The following RXFP2 variants were observed in gnomAD, a reference collection of about 807,000 sequenced individuals.
RXFP2 encodes the protein relaxin family peptide receptor 2, also known as relaxin receptor 2.
RXFP2 carries 68 observed loss-of-function variants against 88.6 expected under a neutral mutation model. The observed-to-expected ratio is 0.77, with a 90% confidence interval of 0.63 to 0.94. RXFP2 has a LOEUF of 0.94. Among genes scored for constraint, RXFP2 ranks in the 40% least tolerant of loss-of-function variants. RXFP2 has a pLI of 0.00. For synonymous variants in RXFP2, 329 were observed against 306.8 expected, an observed-to-expected ratio of 1.07 and a Z score of -0.76; for missense variants, 791 against 893.9, an observed-to-expected ratio of 0.88 and a Z score of 1.47.
intron 5 of RXFP2, among the ~76,000 whole-genome samples, chr13:31,773,847 G>T (rs1359462641): frequency 1.3e-5 from 2 of 152,220 alleles, no homozygotes; most frequent in East Asian, 3.9e-4. Context: ...TAAGAGAAAT[G>T]GAAGCCATTC....
intron 3 of RXFP2, among the ~76,000 whole-genome samples, chr13:31,763,826 A>T (rs1426158763): frequency 6.6e-6 from 1 of 152,168 alleles, no homozygotes; most frequent in Non-Finnish European, 1.5e-5. Context: ...CACTATTTCA[A>T]TGGTGGTTAT....
At chr13:31,752,701 G>A (rs756779363) in intron 1 of RXFP2, among the ~76,000 whole-genome samples, 4 of 151,978 alleles carry the variant, frequency 2.6e-5, no homozygotes, top group Non-Finnish European at 4.4e-5. Flanking sequence ...TTGACTCTTC[G>A]CAGAAGTAGG....
chr13:31,761,638 T>C lies in RXFP2; in HGVS notation c.242-86T>C, dbSNP rs1593452945. On this transcript the variant is annotated intron_variant, in intron 2 of 17. Coordinates refer to ENST00000298386, the MANE Select transcript of RXFP2 (RefSeq NM_130806.5). ...ATTCTATTACTTAAACATATTTTAG[T>C]TTAAAATCATTACCAAATTGTTAAA... is the stretch of plus-strand genomic sequence containing the variant. The C allele has an allele frequency of 3.0e-5, 26 of 879,766 alleles. No homozygotes were observed. The East Asian group carries it at 6.6e-4, about 22-fold the overall frequency. 54.5% of individuals were successfully genotyped at this position (879,766 alleles called of 1,614,324 possible). A position where few individuals can be genotyped will look rare whatever the true frequency, so the allele number is the denominator to read the frequency against.
At chr13:31,784,673 G>T (rs1873444119) in intron 11 of RXFP2, among the ~76,000 whole-genome samples, 1 of 152,042 alleles carries the variant, frequency 6.6e-6, no homozygotes, top group Non-Finnish European at 1.5e-5. Context: ...TTCAGACTTT[G>T]GTGTCATGAC....
chr13:31,793,684 A>G (rs1255387306), intron 16 of RXFP2, among the ~76,000 whole-genome samples: 2 of 152,174 alleles, frequency 1.3e-5, no homozygotes, highest in Non-Finnish European at 2.9e-5. Context: ...CTTTAAAGTT[A>G]AAAACACTTT....
At chr13:31,773,105 G>A (rs552472267) in intron 5 of RXFP2, among the ~76,000 whole-genome samples, 4 of 152,292 alleles carry the variant, frequency 2.6e-5, no homozygotes, top group African/African-American at 9.6e-5. Context: ...GGCTCTGAAA[G>A]TGCTAAAACA....
chr13:31,758,382 C>T lies in RXFP2; in HGVS notation c.219C>T (p.Asn73=), dbSNP rs140844142. 39 of 1,613,936 alleles carry T rather than the reference C, an allele frequency of 2.4e-5. No homozygotes were observed. The highest frequency in any genetic ancestry group is 6.7e-5 in the African/African-American group (5 of 74,876). Reference sequence around the variant, plus strand: ...GTGATGGCAAGGATGACTGTGGGAACGGGGCGGACGAAGAGAACTGTGGTG... The same window carrying T: ...GTGATGGCAAGGATGACTGTGGGAATGGGGCGGACGAAGAGAACTGTGGTG... The part of the protein sequence containing the change: ...FHCDGKDDCG[N]GADEENCGDT... Residue 73 remains asparagine (N), a synonymous_variant, in exon 2 of 18, where the codon AAC becomes AAT. Transcript: ENST00000298386.
Position 31,802,215 on chromosome 13 carries a change from C to T in RXFP2, c.2075C>T (p.Thr692Ile), listed in dbSNP as rs766205092. ...AGTGCTTTGAATCCAATCCTCTATA[C>T]TCTCACAACCAACTTTTTTAAGGAC... ...VNSALNPILY[T>I]LTTNFFKDKL... Residue 692 changes from threonine to isoleucine, a missense_variant, in exon 18 of 18, where the codon ACT becomes ATT. Transcript: ENST00000298386. 5 of 1,613,656 alleles carry T rather than the reference C, an allele frequency of 3.1e-6. No individual in the cohort carries two copies. The Admixed American group carries it at 8.3e-5, about 27-fold the overall frequency.
chr13:31,774,733 A>G (rs1872868213), intron 6 of RXFP2, 42 bp downstream of exon 6: 1 of 1,005,508 alleles, frequency 9.9e-7, no homozygotes, highest in African/African-American at 1.6e-5. Flanking sequence ...AATTTTAAGC[A>G]AAGACTAAAA....
intron 7 of RXFP2, among the ~76,000 whole-genome samples, chr13:31,775,680 T>A (rs1312096879): frequency 6.6e-6 from 1 of 152,224 alleles, no homozygotes; most frequent in Non-Finnish European, 1.5e-5. Context: ...CAGACATTGC[T>A]GAATGTCCCT....
chr13:31,763,373 C>A (rs1027265472), intron 3 of RXFP2, among the ~76,000 whole-genome samples: 1 of 152,104 alleles, frequency 6.6e-6, no homozygotes, highest in Non-Finnish European at 1.5e-5. Context: ...GTGTGAGCCA[C>A]GCATGCCCAG....
intron 4 of RXFP2, 43 bp from the exon 5 acceptor site, chr13:31,765,913 C>T: frequency 1.1e-6 from 1 of 943,908 alleles, no homozygotes; most frequent in Non-Finnish European, 1.7e-6. Flanking sequence ...AGTGGGTTGG[C>T]CATAACAATC....
At chr13:31,797,986 T>A (rs1874136559) in intron 17 of RXFP2, among the ~76,000 whole-genome samples, 1 of 152,196 alleles carries the variant, frequency 6.6e-6, no homozygotes, top group African/African-American at 2.4e-5. Context: ...CTGAAGCCCC[T>A]TCTGGAATCT....
At chr13:31,782,377 A>G (rs779516874) in intron 10 of RXFP2, among the ~76,000 whole-genome samples, 1 of 152,234 alleles carries the variant, frequency 6.6e-6, no homozygotes, top group Non-Finnish European at 1.5e-5. Context: ...ATGATTGGAA[A>G]AAAGAATGGA....
Position 31,756,241 on chromosome 13 carries a change from G to A in RXFP2, c.95-2017G>A, listed in dbSNP as rs115913772. ...TCTACAAGGCAGCATTTGCTTGAAGGGCTCAGGCCTCACAAGAGCATTTTC... is the reference window on the plus strand; with the variant it reads ...TCTACAAGGCAGCATTTGCTTGAAGAGCTCAGGCCTCACAAGAGCATTTTC... On this transcript the variant is annotated intron_variant, in intron 1 of 17. Transcript: ENST00000298386. Among the ~76,000 whole-genome samples the A allele has an allele frequency of 2.6e-3, 394 of 152,274 alleles. 3 individuals carry two copies. Among genetic ancestry groups the A allele is most frequent in the African/African-American group, 8.9e-3 (370 of 41,552 alleles).
intron 1 of RXFP2, among the ~76,000 whole-genome samples, chr13:31,744,496 AG>A (rs1369541396): frequency 1.3e-5 from 2 of 152,198 alleles, no homozygotes; most frequent in Non-Finnish European, 2.9e-5. Flanking sequence ...ATCTCTCCAA[AG>A]GGTTTCTGCT....
intron 13 of RXFP2, among the ~76,000 whole-genome samples, chr13:31,788,046 C>T (rs1873628056): frequency 6.6e-6 from 1 of 151,934 alleles, no homozygotes; most frequent in African/African-American, 2.4e-5. Context: ...TACAGTGGCC[C>T]CTGCTCTTCA....
At chr13:31,776,901 G>A (rs1873013436) in intron 7 of RXFP2, among the ~76,000 whole-genome samples, 1 of 152,152 alleles carries the variant, frequency 6.6e-6, no homozygotes, top group Admixed American at 6.5e-5. Context: ...TATGAATAGC[G>A]TGACATCCAT....
At chr13:31,774,342 A>G (rs927285666) in intron 5 of RXFP2, among the ~76,000 whole-genome samples, 4 of 152,218 alleles carry the variant, frequency 2.6e-5, no homozygotes, top group African/African-American at 7.2e-5. Context: ...CCATAGTGCC[A>G]GTTTGCAGAA....
Sources: gnomAD v4.1 joint callset for allele counts (sites outside exome capture counted in the v4.1 genomes callset) on GRCh38, gnomAD v4.1.1 for gene constraint, MANE v1.5 for transcripts, NCBI Gene and HGNC (gene_info 2026-07-23, HGNC 2026-07-21) for gene names.